Variants in WDR18 observed in about 807,000 individuals in gnomAD.
WDR18 encodes WD repeat domain 18, also known as WD repeat-containing protein 18.
Under a neutral mutation model 49.6 loss-of-function variants are expected in WDR18, and 33 were observed. That is an observed-to-expected ratio of 0.67 (90% confidence interval 0.50 to 0.89). The LOEUF (loss-of-function observed/expected upper bound fraction) is 0.89, where lower values mean the gene tolerates loss of function less well. Among genes scored for constraint, WDR18 ranks in the 40% least tolerant of loss-of-function variants. The pLI is 0.00. For synonymous variants in WDR18, 315 were observed against 263.6 expected, an observed-to-expected ratio of 1.19 and a Z score of -1.89; for missense variants, 653 against 593.6, an observed-to-expected ratio of 1.10 and a Z score of -1.04.
chr19:990,783 C>T, intron 4 of WDR18, 69 bp from the exon 5 acceptor site: 2 of 1,525,742 alleles, frequency 1.3e-6, no homozygotes, highest in Non-Finnish European at 1.8e-6. Flanking sequence ...CTCCCTGGTG[C>T]CCCTGTTCCC....
In WDR18 at chr19:985,958, A is replaced by G. The variant is rs1326482829; in HGVS notation, c.304A>G (p.Ser102Gly). 2.4e-5 allele frequency: 39 copies of G among 1,613,600 alleles called. No homozygotes were observed. The highest frequency in any genetic ancestry group is 3.2e-5 in the Non-Finnish European group (38 of 1,179,968). Residue 102 changes from serine (S) to glycine (G), a missense_variant, in exon 2 of 10, where the codon AGC (serine) becomes GGC (glycine). Coordinates refer to ENST00000585809, the MANE Select transcript of WDR18 (RefSeq NM_024100.4). ...GLYVLAGVAE[S>G]IHLWEVSTGN... ...CTACGTCCTGGCAGGAGTTGCAGAA[A>G]GCATCCACCTGTGGGAGGTAAGAGG...
chr19:987,877 C>T (rs2038493254), intron 2 of WDR18, among the ~76,000 whole-genome samples: 2 of 132,110 alleles, frequency 1.5e-5, no homozygotes, highest in African/African-American at 3.0e-5. Flanking sequence ...CTCTGTTGCC[C>T]GGGCTGGAGT....
intron 8 of WDR18, among the ~76,000 whole-genome samples, chr19:993,571 G>A (rs1030286291): frequency 3.9e-5 from 6 of 152,230 alleles, no homozygotes; most frequent in Middle Eastern, 3.2e-3. Context: ...CCCCAGCAAC[G>A]TCCCTCCATG....
intron 8 of WDR18, 115 bp from the exon 9 acceptor site, chr19:993,905 T>A (rs1339922161): frequency 3.4e-6 from 4 of 1,175,704 alleles, no homozygotes; most frequent in Non-Finnish European, 4.9e-6. Context: ...TCTGTGGGCG[T>A]CACGGTGGCC....
chr19:984,500 C>T lies in WDR18; in HGVS notation c.147C>T (p.Gly49=), dbSNP rs2038453566. 6.4e-7 allele frequency: 1 copy of T among 1,555,574 alleles called. No homozygotes were observed. The stretch of plus-strand genomic sequence containing the variant: ...CCCGCGGCCTGGCGCTGCTCAATGG[C>T]GAGTATCTGCTGGCGGCGCAGCTGG... The part of the protein sequence containing the change: ...AGPRGLALLN[G]EYLLAAQLGK... Residue 49 remains glycine, a synonymous_variant, in exon 1 of 10, where the codon GGC becomes GGT. Coordinates refer to ENST00000585809, the MANE Select transcript of WDR18 (RefSeq NM_024100.4).
chr19:990,795 T>C (rs1209698784), intron 4 of WDR18, 57 bp from the exon 5 acceptor site: 2 of 1,540,190 alleles, frequency 1.3e-6, no homozygotes, highest in Admixed American at 2.0e-5. Context: ...CCTGTTCCCA[T>C]GGGGTCCTCG....
intron 3 of WDR18, 132 bp downstream of exon 3, chr19:990,027 C>T (rs2038522820): frequency 7.0e-7 from 1 of 1,435,936 alleles, no homozygotes; most frequent in Non-Finnish European, 9.2e-7. Context: ...GAGTGATCAT[C>T]CCAGGGGTCC....
At chr19:982,944 G>A (rs1413665308), upstream of WDR18, among the ~76,000 whole-genome samples, 1 of 152,136 alleles carries the variant, frequency 6.6e-6, no homozygotes, top group Non-Finnish European at 1.5e-5. Context: ...CCCCGGCCGT[G>A]CCCTCCGCCG....
At chr19:984,616 CG>C (rs1392945676) in intron 1 of WDR18, 53 bp downstream of exon 1, 6 of 1,366,672 alleles carry the variant, frequency 4.4e-6, no homozygotes, top group Non-Finnish European at 5.7e-6. Flanking sequence ...AGGCTGAAGT[CG>C]GGGGATGGGT....
chr19:992,203 C>A, intron 8 of WDR18, 82 bp downstream of exon 8: 1 of 1,371,788 alleles, frequency 7.3e-7, no homozygotes, highest in Non-Finnish European at 9.4e-7. Context: ...CTCCCTTGGT[C>A]CTGGCGCCCG....
chr19:994,000 C>T lies in WDR18; in HGVS notation c.1099-20C>T, dbSNP rs1444160844. The stretch of plus-strand genomic sequence containing the variant: ...TGTGACAGGACGCGCCCCGAGGTCA[C>T]GTGGCTCCCTGTGTTACAGGGCTCG... On this transcript the variant is annotated intron_variant, in intron 8 of 9. Coordinates refer to ENST00000585809, the MANE Select transcript of WDR18 (RefSeq NM_024100.4). The T allele has an allele frequency of 1.0e-5, 16 of 1,549,824 alleles. No homozygotes were observed. Among genetic ancestry groups the T allele is most frequent in the South Asian group, 2.4e-5 (2 of 84,124 alleles).
rs1568386336 is a variant in WDR18 at position 994,055 on chromosome 19, GCTGCAGGCCGTC to G, written c.1138_1149del (p.Gln380_Leu383del). The G allele has an allele frequency of 6.4e-7, 1 of 1,560,966 alleles. No individual in the cohort carries two copies. Among genetic ancestry groups the G allele is most frequent in the East Asian group, 2.4e-5 (1 of 41,758 alleles). On this transcript the variant is annotated inframe_deletion, in exon 9 of 10. Coordinates refer to ENST00000585809, the MANE Select transcript of WDR18 (RefSeq NM_024100.4). ...CCAGCTACCTGGACCGCACGGAGCA[GCTGCAGGCCGTC>G]CTGTGCAGCACCATGGAGAAGGTGG...
At chr19:993,731 G>GC (rs3216949) in intron 8 of WDR18, among the ~76,000 whole-genome samples, 115,474 of 152,142 alleles carry the variant, frequency 0.76, 45,158 homozygotes, top group Middle Eastern at 0.88. Context: ...TCTGGCCCAG[G>GC]CCCCTGTCTG....
intron 9 of WDR18, 35 bp downstream of exon 9, chr19:994,123 C>T (rs536858391): frequency 6.5e-7 from 1 of 1,549,460 alleles, no homozygotes; most frequent in South Asian, 1.2e-5. Flanking sequence ...GGGCCTGAGG[C>T]TGGGGTCAGT....
chr19:992,127 G>A lies in WDR18; in HGVS notation c.1098+6G>A. On this transcript the variant is annotated splice_donor_region_variant and intron_variant, in intron 8 of 9. Transcript: ENST00000585809. ...GCCTGGGCCTCCACCAGCAGGTACG[G>A]CCCCCAGCAGGGAACCCCCACTGCC... 2 of 1,453,278 alleles carry A rather than the reference G, an allele frequency of 1.4e-6. No homozygotes were observed. The highest frequency in any genetic ancestry group is 1.5e-5 in the African/African-American group (1 of 67,410). The allele number at this position is 1,453,278 out of a possible 1,614,324, so 90.0% of individuals were successfully genotyped here. A position where few individuals can be genotyped will look rare whatever the true frequency, so the allele number is the denominator to read the frequency against.
At chr19:989,700 A>C in intron 2 of WDR18, 62 bp from the exon 3 acceptor site, 2 of 1,597,912 alleles carry the variant, frequency 1.3e-6, no homozygotes. Flanking sequence ...CTGGGGCTGC[A>C]GCCCCCCTTT....
Position 989,834 on chromosome 19 carries a change from G to A in WDR18, c.394G>A (p.Asp132Asn). The stretch of plus-strand genomic sequence containing the variant: ...CGTCTCCTGCCTTCAGTTCACAGGG[G>A]ACAGCAGCCACTTCATCTCAGGGGG... ...QDVSCLQFTGDSSHFISGGKD... is the reference protein window; with the variant it reads ...QDVSCLQFTGNSSHFISGGKD... The change falls in exon 3 of 10, where the codon GAC (aspartate) becomes AAC (asparagine). Residue 132 changes from aspartate to asparagine, a missense_variant. Asp to Asn is a conservative substitution (Grantham distance 23). Coordinates refer to ENST00000585809, the MANE Select transcript of WDR18 (RefSeq NM_024100.4). 3 of 1,612,764 alleles carry A rather than the reference G, an allele frequency of 1.9e-6. No homozygotes were observed. Among genetic ancestry groups the A allele is most frequent in the Non-Finnish European group, 1.7e-6 (2 of 1,179,802 alleles).
intron 3 of WDR18, 74 bp downstream of exon 3, chr19:989,969 C>T: frequency 6.6e-7 from 1 of 1,526,108 alleles, no homozygotes; most frequent in Non-Finnish European, 8.8e-7. Flanking sequence ...GCGCCAAGGC[C>T]CCTGGCGGGA....
chr19:986,264 C>T (rs1352736908), intron 2 of WDR18, among the ~76,000 whole-genome samples: 5 of 152,220 alleles, frequency 3.3e-5, no homozygotes, highest in Non-Finnish European at 5.9e-5. Flanking sequence ...GGCATCTCTT[C>T]CACGCAGGCG....
Sources: gnomAD v4.1 joint callset for allele counts (sites outside exome capture counted in the v4.1 genomes callset) on GRCh38, gnomAD v4.1.1 for gene constraint, MANE v1.5 for transcripts, NCBI Gene and HGNC (gene_info 2026-07-23, HGNC 2026-07-21) for gene names.